The following TMC7 variants were observed in gnomAD, a reference collection of about 807,000 sequenced individuals.
TMC7 encodes the protein transmembrane channel like 7.
TMC7 carries 54 observed loss-of-function variants against 82.9 expected under a neutral mutation model. That is an observed-to-expected ratio of 0.65 (90% CI 0.52 to 0.82). The LOEUF (loss-of-function observed/expected upper bound fraction) is 0.82. TMC7 is among the 40% of genes least tolerant of loss of function. The pLI is 0.00. For missense variants in TMC7, 820 were observed against 901.2 expected, an observed-to-expected ratio of 0.91 and a Z score of 1.15; for synonymous variants, 350 against 337.9, an observed-to-expected ratio of 1.04 and a Z score of -0.39.
At chr16:19,056,246 C>T (rs1039903441) in intron 13 of TMC7, among the ~76,000 whole-genome samples, 4 of 151,872 alleles carry the variant, frequency 2.6e-5, no homozygotes, top group African/African-American at 9.7e-5. Context: ...CCACCATGCC[C>T]GGCTAATTTT....
intron 13 of TMC7, among the ~76,000 whole-genome samples, chr16:19,053,843 T>G (rs60116292): frequency 0.012 from 1,684 of 145,078 alleles, 19 homozygotes; most frequent in Middle Eastern, 0.053. Flanking sequence ...TCTGTGTCTT[T>G]TCTTTCTTTT....
At chr16:18,997,844 C>T (rs1398207669) in intron 1 of TMC7, among the ~76,000 whole-genome samples, 1 of 151,736 alleles carries the variant, frequency 6.6e-6, no homozygotes, top group Non-Finnish European at 1.5e-5. Flanking sequence ...ATTCTCCTGC[C>T]TCAGCATCCC....
chr16:18,999,708 C>A (rs8056785), intron 1 of TMC7, among the ~76,000 whole-genome samples: 47,053 of 152,030 alleles, frequency 0.31, 7,524 homozygotes, highest in Non-Finnish European at 0.35. Context: ...GGGCTTCTTG[C>A]AATTGATTGA....
chr16:19,050,362 G>A (rs12918502), intron 12 of TMC7, among the ~76,000 whole-genome samples: 25,298 of 74,146 alleles, frequency 0.34, 2,684 homozygotes, highest in Admixed American at 0.44. Flanking sequence ...GCGAGATTCC[G>A]TCTCAAAAAA....
rs1022728871 is a variant in TMC7, at chr16:19,059,085, T to C, written c.2028-331T>C. ...TAGAGACGGGGTTTCACCATGTTGG[T>C]CAGGCTGGTCTCAAATTCCTGACCT... On this transcript the variant is annotated intron_variant, in intron 14 of 15. Transcript: ENST00000304381. 9.2e-5 allele frequency among the ~76,000 whole-genome samples: 14 copies of C among 151,940 alleles called. 2 individuals carry two copies.
intron 13 of TMC7, among the ~76,000 whole-genome samples, chr16:19,055,475 A>G (rs1368378626): frequency 6.6e-6 from 1 of 152,082 alleles, no homozygotes; most frequent in African/African-American, 2.4e-5. Flanking sequence ...CTCGTGCCTC[A>G]GCCTCCCGAG....
chr16:19,015,816 TCCACCTGCCTCAGCCTC>T (rs1434995843), intron 2 of TMC7, among the ~76,000 whole-genome samples: 1 of 151,970 alleles, frequency 6.6e-6, no homozygotes, highest in East Asian at 1.9e-4. Flanking sequence ...CCTCAGGTGA[TCCACCTGCCTCAGCCTC>T]CCAAAGTGCT....
At chr16:19,003,441 C>A (rs539096232) in intron 1 of TMC7, among the ~76,000 whole-genome samples, 1 of 149,342 alleles carries the variant, frequency 6.7e-6, no homozygotes, top group African/African-American at 2.5e-5. Context: ...CCAGCCGCCC[C>A]GTCCGGGAGG....
chr16:18,997,515 G>A lies in TMC7; in HGVS notation c.68-11657G>A, dbSNP rs529054239. Among the ~76,000 whole-genome samples the A allele has an allele frequency of 3.3e-5, 5 of 150,498 alleles. No individual in the cohort carries two copies. In the East Asian group the frequency reaches 7.9e-4, roughly 24 times the overall value. On this transcript the variant is annotated intron_variant, in intron 1 of 15. Coordinates refer to ENST00000304381, the MANE Select transcript of TMC7 (RefSeq NM_024847.4). ...CCCCCAAGTAGCTGGGATTACAGGC[G>A]CCCACCACCACACCCAGCTAATTTT...
chr16:19,029,637 G>T (rs994732171), intron 5 of TMC7, among the ~76,000 whole-genome samples: 1 of 151,204 alleles, frequency 6.6e-6, no homozygotes, highest in Non-Finnish European at 1.5e-5. Flanking sequence ...GGCCTTCCAA[G>T]GTGCTGGGAT....
chr16:19,057,618 C>A (rs573763903), intron 14 of TMC7, among the ~76,000 whole-genome samples: 3 of 152,240 alleles, frequency 2.0e-5, no homozygotes, highest in Non-Finnish European at 4.4e-5. Flanking sequence ...GGGCTCCAGC[C>A]GCTTCACCCT....
intron 1 of TMC7, among the ~76,000 whole-genome samples, chr16:19,008,308 G>A (rs529839649): frequency 6.6e-6 from 1 of 152,280 alleles, no homozygotes; most frequent in African/African-American, 2.4e-5. Context: ...TTCTAGCTCT[G>A]GCCTGATATA....
intron 1 of TMC7, chr16:18,984,485 TGAGG>T (rs2038808553): frequency 9.3e-7 from 1 of 1,077,890 alleles, no homozygotes; most frequent in Non-Finnish European, 1.1e-6. Context: ...CATTCTGGTA[TGAGG>T]TGCCTGCCTC....
At chr16:19,043,422 T>C (rs866947024) in intron 9 of TMC7, among the ~76,000 whole-genome samples, 3 of 142,994 alleles carry the variant, frequency 2.1e-5, no homozygotes, top group African/African-American at 7.8e-5. Context: ...AACATAGAAG[T>C]TGCCATTTTA....
intron 1 of TMC7, among the ~76,000 whole-genome samples, chr16:18,997,793 G>A (rs550951659): frequency 4.1e-5 from 6 of 145,350 alleles, no homozygotes; most frequent in South Asian, 4.4e-4. Flanking sequence ...GCAGTGGTAC[G>A]ATCTCGGCTC....
chr16:19,054,651 G>T (rs1467309513), intron 13 of TMC7, among the ~76,000 whole-genome samples: 1 of 151,072 alleles, frequency 6.6e-6, no homozygotes, highest in African/African-American at 2.4e-5. Flanking sequence ...GGAGGCAGAG[G>T]TTGCAGTGAG....
intron 4 of TMC7, 139 bp downstream of exon 4, chr16:19,021,935 A>C: frequency 9.8e-7 from 1 of 1,025,482 alleles, no homozygotes; most frequent in Non-Finnish European, 1.4e-6. Flanking sequence ...TATGCTGCAG[A>C]AACAAGTGAC....
At chr16:19,037,732 C>A in intron 7 of TMC7, 142 bp from the exon 8 acceptor site, 1 of 839,772 alleles carries the variant, frequency 1.2e-6, no homozygotes, top group South Asian at 2.0e-5. Context: ...CTTGGCCTGC[C>A]ACGGTGCTAG....
chr16:18,994,953 G>A (rs548563624), intron 1 of TMC7, among the ~76,000 whole-genome samples: 358 of 149,822 alleles, frequency 2.4e-3, no homozygotes, highest in Non-Finnish European at 3.5e-3. Flanking sequence ...TGCCAAGGCG[G>A]GAGTAGAGGT....
Sources: allele counts gnomAD v4.1 joint callset (sites outside exome capture counted in the v4.1 genomes callset), GRCh38; gene constraint gnomAD v4.1.1; transcripts MANE v1.5; gene names NCBI Gene and HGNC (gene_info 2026-07-23, HGNC 2026-07-21).